ZNF469: variants seen among roughly 807,000 people sequenced by gnomAD.
ZNF469 encodes zinc finger protein 469.
In ZNF469, 1 loss-of-function variant was observed where a neutral mutation model predicts 1.0. The observed-to-expected ratio is 1.00, with a 90% confidence interval of 0.35 to 4.73. The LOEUF (loss-of-function observed/expected upper bound fraction) is 4.73. Among genes scored for constraint, ZNF469 ranks in the 30% most tolerant of loss-of-function variants. The probability of loss-of-function intolerance (pLI) is 0.16; values close to 1 mark genes in which losing one functional copy is unlikely to be tolerated. For missense variants in ZNF469, 6,100 were observed against 5,356.3 expected (o/e 1.14, Z -4.33); for synonymous variants, 2,703 against 2,363.4 (o/e 1.14, Z -4.17).
At chr16:88,355,934 A>G in the ZNF469 span, among the ~76,000 whole-genome samples, 5 of 151,236 alleles carry the variant, frequency 3.3e-5, no homozygotes, top group African/African-American at 7.3e-5. Flanking sequence ...GGTCCTGCAC[A>G]AAGACCTACA....
the ZNF469 span, among the ~76,000 whole-genome samples, chr16:88,256,886 T>C: frequency 9.8e-6 from 1 of 101,934 alleles, no homozygotes; most frequent in African/African-American, 3.4e-5. Context: ...TTTTCTTTTC[T>C]TTTCTTTCCT....
At chr16:88,108,538 A>G in the ZNF469 span, among the ~76,000 whole-genome samples, 1 of 152,146 alleles carries the variant, frequency 6.6e-6, no homozygotes, top group African/African-American at 2.4e-5. Context: ...TCTGGGGGTG[A>G]GGATCTTTGG....
chr16:88,318,202 C>T, the ZNF469 span, among the ~76,000 whole-genome samples: 39 of 152,334 alleles, frequency 2.6e-4, no homozygotes, highest in African/African-American at 7.5e-4. Context: ...GGAGGGAGGC[C>T]GCTGGTTCTC....
the ZNF469 span, among the ~76,000 whole-genome samples, chr16:88,157,143 A>T: frequency 6.6e-6 from 1 of 151,820 alleles, no homozygotes; most frequent in East Asian, 2.0e-4. Flanking sequence ...CATGAGCACC[A>T]GGGCACACAG....
chr16:88,168,691 C>G, the ZNF469 span, among the ~76,000 whole-genome samples: 1 of 152,226 alleles, frequency 6.6e-6, no homozygotes, highest in Non-Finnish European at 1.5e-5. The surrounding 1 kb of genome is among the most constrained non-coding windows in gnomAD (Gnocchi z 4.3). Flanking sequence ...GTATTGCACA[C>G]CTGCCGTTTG....
the ZNF469 span, among the ~76,000 whole-genome samples, chr16:88,340,001 T>C: frequency 6.6e-6 from 1 of 152,086 alleles, no homozygotes; most frequent in Middle Eastern, 3.4e-3. Flanking sequence ...ACCTTGGTCA[T>C]CTTCTGAGCA....
At chr16:88,365,979 G>A in the ZNF469 span, among the ~76,000 whole-genome samples, 1 of 152,148 alleles carries the variant, frequency 6.6e-6, no homozygotes, top group Non-Finnish European at 1.5e-5. Context: ...CAACATTCTG[G>A]TGTTCCCCCA....
At chr16:88,191,953 T>C in the ZNF469 span, among the ~76,000 whole-genome samples, 1 of 152,206 alleles carries the variant, frequency 6.6e-6, no homozygotes, top group Non-Finnish European at 1.5e-5. Flanking sequence ...CGTGATGGTA[T>C]TTGGAGGGGG....
chr16:88,351,597 C>A, the ZNF469 span, among the ~76,000 whole-genome samples: 1 of 152,198 alleles, frequency 6.6e-6, no homozygotes, highest in Non-Finnish European at 1.5e-5. Context: ...GACAAAGGGG[C>A]CGCCGACGCT....
rs1906286911 is a variant in ZNF469, at chr16:88,432,720, TAAG to T, written c.5253_5255del (p.Lys1751del). On this transcript the variant is annotated inframe_deletion, in exon 3 of 3. Coordinates refer to ENST00000565624, the MANE Select transcript of ZNF469 (RefSeq NM_001367624.2). The stretch of plus-strand genomic sequence containing the variant: ...GCCCCGACCAGGAACTTTCATTTCC[TAAG>T]AATAAGGAGGCCGCCAGCTCACAAG... The T allele has an allele frequency of 9.7e-6, 15 of 1,550,274 alleles. No homozygotes were observed. Among genetic ancestry groups the T allele is most frequent in the Non-Finnish European group, 1.3e-5 (15 of 1,146,976 alleles).
the ZNF469 span, among the ~76,000 whole-genome samples, chr16:88,264,888 C>A: frequency 6.6e-6 from 1 of 152,192 alleles, no homozygotes; most frequent in Non-Finnish European, 1.5e-5. Context: ...GGTCTGGGGG[C>A]TCCTGAGGGT....
chr16:88,248,617 G>T, the ZNF469 span, among the ~76,000 whole-genome samples: 1 of 152,220 alleles, frequency 6.6e-6, no homozygotes, highest in Non-Finnish European at 1.5e-5. Context: ...CATGAGAGAG[G>T]AAGATGGGCT....
chr16:88,168,247 C>G, the ZNF469 span, among the ~76,000 whole-genome samples: 1 of 152,184 alleles, frequency 6.6e-6, no homozygotes, highest in Non-Finnish European at 1.5e-5. The surrounding 1 kb of genome is among the most constrained non-coding windows in gnomAD (Gnocchi z 4.3). Flanking sequence ...GTGTGGGTGT[C>G]TGAGGGGTAC....
In ZNF469 at chr16:88,430,292, A is replaced by C. The variant is rs1166833915; in HGVS notation, c.2822A>C (p.Gln941Pro). ...CCCACCGAGGCGGATGCGCCCAGCC[A>C]GGGCAGGCAGCAGAGGAGGGGGAAG... ...LAPTEADAPSQGRQQRRGKQL... is the reference protein window; with the variant it reads ...LAPTEADAPSPGRQQRRGKQL... The change falls in exon 3 of 3, where the codon CAG (glutamine) becomes CCG (proline). Residue 941 changes from glutamine (Q) to proline (P), a missense_variant. Transcript: ENST00000565624. The C allele has an allele frequency of 6.6e-7, 1 of 1,514,232 alleles. No individual in the cohort carries two copies. The highest frequency in any genetic ancestry group is 2.1e-5 in the Admixed American group (1 of 48,716). The allele number at this position is 1,514,232 out of a possible 1,614,324, so 93.8% of individuals were successfully genotyped here.
chr16:88,328,424 A>T, the ZNF469 span, among the ~76,000 whole-genome samples: 52 of 152,162 alleles, frequency 3.4e-4, no homozygotes, highest in African/African-American at 1.2e-3. Flanking sequence ...CCCCAGGAAA[A>T]CGCCATGGCA....
At chr16:88,218,218 T>G in the ZNF469 span, among the ~76,000 whole-genome samples, 1,428 of 148,726 alleles carry the variant, frequency 9.6e-3, 9 homozygotes, top group African/African-American at 0.033. Context: ...TTTCATGTGT[T>G]TTTTGGCTGC....
At chr16:88,129,312 G>A in the ZNF469 span, among the ~76,000 whole-genome samples, 44 of 152,214 alleles carry the variant, frequency 2.9e-4, no homozygotes, top group Non-Finnish European at 5.9e-5. Flanking sequence ...GCAGCCTCTC[G>A]GCGGGGTCTG....
the ZNF469 span, among the ~76,000 whole-genome samples, chr16:88,292,770 T>A: frequency 2.9e-5 from 4 of 139,224 alleles, no homozygotes; most frequent in Admixed American, 8.0e-5. Context: ...ACTTTCCCCA[T>A]ATGTTAGCTG....
the ZNF469 span, among the ~76,000 whole-genome samples, chr16:88,262,496 C>T: frequency 9.9e-5 from 15 of 152,172 alleles, no homozygotes; most frequent in Non-Finnish European, 1.5e-4. This position sits in a 1 kb window ranked among gnomAD's most constrained non-coding sequence, Gnocchi z 4.3. Flanking sequence ...ATTTCCTCCA[C>T]GGCTGGAGGA....
Sources: gnomAD v4.1 joint callset for allele counts (sites outside exome capture counted in the v4.1 genomes callset) on GRCh38, gnomAD v4.1.1 for gene constraint, Gnocchi (gnomAD v3.1) non-coding constraint, MANE v1.5 for transcripts, NCBI Gene and HGNC (gene_info 2026-07-23, HGNC 2026-07-21) for gene names.